The following A2M variants were observed in gnomAD, a reference collection of about 807,000 sequenced individuals.
The protein encoded by A2M is C3 and PZP-like alpha-2-macroglobulin domain-containing protein 5.
A2M carries 128 observed loss-of-function variants against 183.9 expected under a neutral mutation model. The ratio of observed to expected loss-of-function variants is 0.70; its 90% CI spans 0.60 to 0.81. The LOEUF is 0.81. A2M is among the 30% of genes least tolerant of loss of function. The pLI is 0.00. For synonymous variants in A2M, 592 were observed against 670.8 expected, an observed-to-expected ratio of 0.88 and a Z score of 1.81; for missense variants, 1,495 against 1,787.6, an observed-to-expected ratio of 0.84 and a Z score of 2.95.
chr12:9,096,503 G>C (rs1949385384), intron 15 of A2M, among the ~76,000 whole-genome samples: 1 of 152,130 alleles, frequency 6.6e-6, no homozygotes, highest in South Asian at 2.1e-4. Flanking sequence ...GGACACGATG[G>C]CATTTTCTTA....
intron 31 of A2M, among the ~76,000 whole-genome samples, chr12:9,070,978 G>T (rs7310167): frequency 0.29 from 44,186 of 151,920 alleles, 7,059 homozygotes; most frequent in Admixed American, 0.35. Flanking sequence ...GCACCACCAC[G>T]TCCGACTAAT....
Position 9,098,698 on chromosome 12 carries a change from A to G in A2M, c.1760T>C (p.Val587Ala), listed in dbSNP as rs146966573. ...SLPASHAHLR[V>A]TAAPQSVCAL... ...GCAGACGGACTGAGGAGCCGCTGTGACTCGCAGGTGGGCGTGTGAGGCTGG... is the reference window on the plus strand; with the variant it reads ...GCAGACGGACTGAGGAGCCGCTGTGGCTCGCAGGTGGGCGTGTGAGGCTGG... Residue 587 changes from valine to alanine, a missense_variant, in exon 15 of 36, where the codon GTC (valine) becomes GCC (alanine). By Grantham distance (64) the Val-to-Ala change is moderately conservative (BLOSUM62 0). Coordinates refer to ENST00000318602, the MANE Select transcript of A2M (RefSeq NM_000014.6). 12 of 1,612,356 alleles carry G rather than the reference A, an allele frequency of 7.4e-6. No individual in the cohort carries two copies. The African/African-American group carries it at 1.5e-4, about 20-fold the overall frequency.
intron 22 of A2M, among the ~76,000 whole-genome samples, chr12:9,085,256 C>G (rs989838861): frequency 6.6e-6 from 1 of 152,018 alleles, no homozygotes; most frequent in Non-Finnish European, 1.5e-5. Flanking sequence ...TTTTAGCCCA[C>G]AAAACAAGTC....
intron 15 of A2M, among the ~76,000 whole-genome samples, chr12:9,096,643 TAGTTAC>T (rs1254272868): frequency 6.6e-6 from 1 of 152,226 alleles, no homozygotes; most frequent in Non-Finnish European, 1.5e-5. Flanking sequence ...AAAATTGTGA[TAGTTAC>T]ATTGCATTAT....
At chr12:9,102,498 G>A (rs1937954845) in intron 11 of A2M, among the ~76,000 whole-genome samples, 1 of 152,152 alleles carries the variant, frequency 6.6e-6, no homozygotes, top group South Asian at 2.1e-4. Flanking sequence ...TTACAGGCGT[G>A]AGCTACCGTG....
chr12:9,089,579 A>G (rs1246474367), intron 21 of A2M, among the ~76,000 whole-genome samples: 1 of 152,050 alleles, frequency 6.6e-6, no homozygotes, highest in Non-Finnish European at 1.5e-5. Flanking sequence ...TGTCTCTACT[A>G]AAAATACAAA....
At chr12:9,087,695 T>G (rs2137765659) in intron 22 of A2M, among the ~76,000 whole-genome samples, 2 of 152,290 alleles carry the variant, frequency 1.3e-5, no homozygotes, top group Non-Finnish European at 2.9e-5. Flanking sequence ...GTTAGCTTGA[T>G]TTAATTATTT....
chr12:9,081,678 A>C (rs1361899402), intron 22 of A2M, among the ~76,000 whole-genome samples: 1 of 152,212 alleles, frequency 6.6e-6, no homozygotes, highest in Non-Finnish European at 1.5e-5. Context: ...TGCCAGATAG[A>C]GAGGAGTTCC....
intron 22 of A2M, among the ~76,000 whole-genome samples, chr12:9,083,807 C>T (rs1299831432): frequency 6.7e-6 from 1 of 148,860 alleles, no homozygotes; most frequent in Non-Finnish European, 1.5e-5. Context: ...GGGATAGATG[C>T]TAGCATCCAA....
intron 27 of A2M, 151 bp downstream of exon 27, chr12:9,077,195 G>C: frequency 1.2e-6 from 1 of 838,226 alleles, no homozygotes; most frequent in Non-Finnish European, 1.8e-6. Context: ...TTAATGGGCT[G>C]ACCAAATTCT....
rs1805687 is a variant in A2M at position 9,067,905 on chromosome 12, C to T, written c.4409-66G>A. On this transcript the variant is annotated intron_variant, in intron 35 of 35. Coordinates refer to ENST00000318602, the MANE Select transcript of A2M (RefSeq NM_000014.6). ...TCTCCATGAGCAGAGAGTATTCTTT[C>T]CCTTAGTTCTGGGTAGCATAGTGCC... is the stretch of plus-strand genomic sequence containing the variant. The T allele has an allele frequency of 1.4e-4, 203 of 1,479,702 alleles. 1 individual carries two copies. In the East Asian group the frequency reaches 1.7e-3, roughly 13 times the overall value. The allele number at this position is 1,479,702 out of a possible 1,614,324, so 91.7% of individuals were successfully genotyped here.
At chr12:9,102,758 G>A (rs1937983244) in intron 11 of A2M, among the ~76,000 whole-genome samples, 1 of 152,204 alleles carries the variant, frequency 6.6e-6, no homozygotes, top group African/African-American at 2.4e-5. Context: ...GGAACAGGTA[G>A]AAATAATAAT....
Position 9,112,608 on chromosome 12 carries a change from C to T in A2M, c.271-72G>A, listed in dbSNP as rs1938824736. Reference sequence around the variant, plus strand: ...CTCCTCCCCTATTTGCTGTTGCACTCTTCCCTGGAGATCTTGCCCTTCTTA... The same window carrying T: ...CTCCTCCCCTATTTGCTGTTGCACTTTTCCCTGGAGATCTTGCCCTTCTTA... On this transcript the variant is annotated intron_variant, in intron 2 of 35. Coordinates refer to ENST00000318602, the MANE Select transcript of A2M (RefSeq NM_000014.6). 5 of 1,547,700 alleles carry T rather than the reference C, an allele frequency of 3.2e-6. No homozygotes were observed. The South Asian group carries it at 5.7e-5, about 18-fold the overall frequency.
At chr12:9,105,907 A>G (rs1160934103) in intron 10 of A2M, among the ~76,000 whole-genome samples, 4 of 152,204 alleles carry the variant, frequency 2.6e-5, no homozygotes, top group African/African-American at 7.2e-5. Context: ...AGAAAATGTC[A>G]TAAAAACCTG....
chr12:9,079,502 T>C, intron 24 of A2M, 137 bp downstream of exon 24: 2 of 1,056,380 alleles, frequency 1.9e-6, no homozygotes, highest in Non-Finnish European at 2.8e-6. Context: ...GTGGATAGTT[T>C]CCTTGAAATT....
At chr12:9,112,349 G>C in intron 3 of A2M, 28 bp downstream of exon 3, 1 of 1,606,852 alleles carries the variant, frequency 6.2e-7, no homozygotes, top group Non-Finnish European at 8.5e-7. Flanking sequence ...CCTTTTTGAA[G>C]TTGTCCTGTC....
At position 9,072,438 on chromosome 12, in the gene A2M, CA is replaced by C. The variant is rs1565577150; in HGVS notation, c.4023del (p.Phe1341LeufsTer3). On this transcript the variant is annotated frameshift_variant, in exon 31 of 36. Transcript: ENST00000318602. LOFTEE classifies it high-confidence loss of function. ...NILPEKEEFP[F>X]ALGVQTLPQT... ...TGAGGCAGAGTCTGCACTCCTAAAG[CA>C]AAGGGGAACTCTTCCTTTTCTGGGA... is the stretch of plus-strand genomic sequence containing the variant. 1 of 1,613,452 alleles carries C rather than the reference CA, an allele frequency of 6.2e-7. No individual in the cohort carries two copies. The highest frequency in any genetic ancestry group is 1.7e-5 in the Admixed American group (1 of 59,860).
At chr12:9,108,742 C>G (rs371267614) in intron 7 of A2M, among the ~76,000 whole-genome samples, 1 of 150,280 alleles carries the variant, frequency 6.7e-6, no homozygotes, top group Non-Finnish European at 1.5e-5. Flanking sequence ...AAGGTTGGAA[C>G]AGACTGTCTT....
At position 9,070,986 on chromosome 12, in the gene A2M, A is replaced by G. The variant is rs948128883; in HGVS notation, c.4104-408T>C. On this transcript the variant is annotated intron_variant, in intron 31 of 35. Coordinates refer to ENST00000318602, the MANE Select transcript of A2M (RefSeq NM_000014.6). Reference sequence around the variant, plus strand: ...CAGGCATGCACCACCACGTCCGACTAATTTTGTATTTTTAGTACAGACGGG... The same window carrying G: ...CAGGCATGCACCACCACGTCCGACTGATTTTGTATTTTTAGTACAGACGGG... 3.3e-5 allele frequency among the ~76,000 whole-genome samples: 5 copies of G among 151,972 alleles called. No individual in the cohort carries two copies. In the East Asian group the frequency reaches 9.6e-4, roughly 29 times the overall value.
Sources: gnomAD v4.1 joint callset for allele counts (sites outside exome capture counted in the v4.1 genomes callset) on GRCh38, gnomAD v4.1.1 for gene constraint, MANE v1.5 for transcripts, NCBI Gene and HGNC (gene_info 2026-07-23, HGNC 2026-07-21) for gene names.